The following PRKG1 variants were observed in gnomAD, a reference collection of about 807,000 sequenced individuals.
PRKG1 encodes protein kinase cGMP-dependent 1.
Under a neutral mutation model 88.1 loss-of-function variants are expected in PRKG1, and 35 were observed. The observed-to-expected ratio is 0.40, with a 90% CI of 0.30 to 0.53. The LOEUF (loss-of-function observed/expected upper bound fraction) is 0.53, where lower values mean the gene tolerates loss of function less well. PRKG1 is among the 20% of genes least tolerant of loss of function. PRKG1 has a pLI of 0.59. For missense variants in PRKG1, 540 were observed against 839.8 expected, an observed-to-expected ratio of 0.64 and a Z score of 4.41; for synonymous variants, 303 against 292.5, an observed-to-expected ratio of 1.04 and a Z score of -0.37.
intron 3 of PRKG1, among the ~76,000 whole-genome samples, chr10:51,680,154 C>T (rs117902424): frequency 0.16 from 23,873 of 152,080 alleles, 2,202 homozygotes; most frequent in Non-Finnish European, 0.21. Context: ...TCACCTCAGC[C>T]TTTAATTAGC....
At chr10:51,025,745 C>T (rs540722387) in intron 1 of PRKG1, among the ~76,000 whole-genome samples, 253 of 152,268 alleles carry the variant, frequency 1.7e-3, no homozygotes, top group African/African-American at 5.6e-3. Flanking sequence ...TCAGGCACCA[C>T]AAGTTCTTTA....
intron 14 of PRKG1, among the ~76,000 whole-genome samples, chr10:52,283,914 A>G (rs1309974541): frequency 6.6e-6 from 1 of 152,044 alleles, no homozygotes; most frequent in African/African-American, 2.4e-5. Flanking sequence ...ATATTCACCT[A>G]TAATAACTAG....
At chr10:51,976,501 A>G (rs1318491991) in intron 5 of PRKG1, among the ~76,000 whole-genome samples, 9 of 137,532 alleles carry the variant, frequency 6.5e-5, no homozygotes, top group Non-Finnish European at 8.3e-5. Flanking sequence ...AACCAGTCAC[A>G]AAGGCCACAT....
chr10:51,760,412 T>C (rs959197369), intron 3 of PRKG1, among the ~76,000 whole-genome samples: 1 of 152,038 alleles, frequency 6.6e-6, no homozygotes, highest in Non-Finnish European at 1.5e-5. Flanking sequence ...TTCCAGTCTT[T>C]AGTAGTTTTG....
intron 3 of PRKG1, among the ~76,000 whole-genome samples, chr10:51,561,256 G>C (rs531966626): frequency 9.1e-4 from 139 of 152,126 alleles, no homozygotes; most frequent in African/African-American, 3.2e-3. Context: ...TGTGAGCCTG[G>C]GAAGTTGTGG....
At chr10:51,094,306 C>T (rs1448293770) in intron 1 of PRKG1, among the ~76,000 whole-genome samples, 5 of 151,876 alleles carry the variant, frequency 3.3e-5, no homozygotes, top group African/African-American at 1.2e-4. Flanking sequence ...GATAGATGAA[C>T]ATAACAATTG....
intron 3 of PRKG1, among the ~76,000 whole-genome samples, chr10:51,758,903 G>C (rs1589263302): frequency 7.1e-6 from 1 of 141,524 alleles, no homozygotes; most frequent in African/African-American, 2.6e-5. Flanking sequence ...GTGACCATGT[G>C]TTCTCATTGT....
intron 3 of PRKG1, among the ~76,000 whole-genome samples, chr10:51,754,492 G>A (rs1837806859): frequency 6.6e-6 from 1 of 152,208 alleles, no homozygotes; most frequent in African/African-American, 2.4e-5. Flanking sequence ...CAGAGGTTAA[G>A]TGAGTTAGCA....
At chr10:52,240,892 A>G (rs927873376) in intron 9 of PRKG1, among the ~76,000 whole-genome samples, 5 of 152,182 alleles carry the variant, frequency 3.3e-5, no homozygotes, top group South Asian at 2.1e-4. Flanking sequence ...CGTACATATC[A>G]AATAAATACT....
intron 7 of PRKG1, among the ~76,000 whole-genome samples, chr10:52,070,380 ATT>A (rs1846466245): frequency 6.6e-6 from 1 of 152,220 alleles, no homozygotes; most frequent in Admixed American, 6.5e-5. Context: ...TCAAATCACC[ATT>A]CCTTTGTAGG....
intron 2 of PRKG1, among the ~76,000 whole-genome samples, chr10:51,436,705 T>G (rs1838942108): frequency 6.6e-6 from 1 of 152,008 alleles, no homozygotes; most frequent in African/African-American, 2.4e-5. Flanking sequence ...CTCAAAATGT[T>G]TAATTTGGCT....
chr10:51,785,152 A>C (rs1838696901), intron 3 of PRKG1, among the ~76,000 whole-genome samples: 1 of 151,238 alleles, frequency 6.6e-6, no homozygotes, highest in African/African-American at 2.4e-5. Context: ...AAATATCCTA[A>C]AAAGACTAAG....
At chr10:51,198,688 T>C (rs1002991892) in intron 2 of PRKG1, among the ~76,000 whole-genome samples, 1 of 152,200 alleles carries the variant, frequency 6.6e-6, no homozygotes, top group Non-Finnish European at 1.5e-5. Context: ...TATTGGACCT[T>C]TCATTTTTCT....
Position 52,135,597 on chromosome 10 carries a change from G to A in PRKG1, c.1001+1692G>A, listed in dbSNP as rs114906249. Among the ~76,000 whole-genome samples, 616 of 152,182 alleles carry A rather than the reference G, an allele frequency of 4.0e-3. 6 individuals carry two copies. The highest frequency in any genetic ancestry group is 0.014 in the African/African-American group (595 of 41,546). On this transcript the variant is annotated intron_variant, in intron 8 of 17. Coordinates refer to ENST00000373980, the MANE Select transcript of PRKG1 (RefSeq NM_006258.4). ...AAGAGGTAAAACCAGAAGGTTTCAC[G>A]TCTTACTGAATGTGAAGAGCAAGGG...
chr10:51,723,806 ATGTATTTTCTGTTG>A (rs1403547396), intron 3 of PRKG1, among the ~76,000 whole-genome samples: 53 of 152,188 alleles, frequency 3.5e-4, no homozygotes, highest in Non-Finnish European at 1.8e-4. Flanking sequence ...GAAGAAATTA[ATGTATTTTCTGTTG>A]TTTGCAGAAT....
chr10:52,151,189 G>A (rs1837904274), intron 8 of PRKG1, among the ~76,000 whole-genome samples: 1 of 151,856 alleles, frequency 6.6e-6, no homozygotes, highest in South Asian at 2.1e-4. Context: ...CAGGTACTAA[G>A]GGCCTAGTAC....
At chr10:51,057,183 C>T (rs1843635919) in intron 1 of PRKG1, among the ~76,000 whole-genome samples, 1 of 152,000 alleles carries the variant, frequency 6.6e-6, no homozygotes, top group Non-Finnish European at 1.5e-5. Flanking sequence ...ATATGATGGC[C>T]CAAGTCAGTT....
chr10:51,075,039 C>A (rs1262089113), intron 1 of PRKG1, 138 bp downstream of exon 1: 2 of 1,279,384 alleles, frequency 1.6e-6, no homozygotes, highest in Non-Finnish European at 2.1e-6. Context: ...TTTTAACGGG[C>A]ACTTCTTGCG....
At chr10:51,330,162 T>C (rs1841702373) in intron 2 of PRKG1, among the ~76,000 whole-genome samples, 2 of 148,536 alleles carry the variant, frequency 1.3e-5, no homozygotes, top group Admixed American at 1.3e-4. Context: ...ATTTATTTTT[T>C]TTTTTTGAGA....
Sources: gnomAD v4.1 joint callset for allele counts (sites outside exome capture counted in the v4.1 genomes callset) on GRCh38, gnomAD v4.1.1 for gene constraint, MANE v1.5 for transcripts, NCBI Gene and HGNC (gene_info 2026-07-23, HGNC 2026-07-21) for gene names.